Variants in SPAG16 observed in about 807,000 individuals in gnomAD.
SPAG16 encodes the protein sperm associated antigen 16.
SPAG16 carries 86 observed loss-of-function variants against 80.4 expected under a neutral mutation model. That is an observed-to-expected ratio of 1.07 (90% confidence interval 0.90 to 1.28). The LOEUF is 1.28. Ranked by LOEUF, SPAG16 falls within the 50% of genes most tolerant of loss-of-function variation. SPAG16 has a pLI of 0.00. For missense variants in SPAG16, 870 were observed against 765.3 expected (o/e 1.14, Z -1.61); for synonymous variants, 294 against 265.9 (o/e 1.11, Z -1.03).
intron 15 of SPAG16, among the ~76,000 whole-genome samples, chr2:214,294,609 G>A (rs565031709): frequency 1.3e-5 from 2 of 152,290 alleles, no homozygotes; most frequent in African/African-American, 2.4e-5. Context: ...ATTTGCCACT[G>A]CAAACTTGCC....
At chr2:214,132,157 A>G (rs1230827742) in intron 14 of SPAG16, among the ~76,000 whole-genome samples, 1 of 152,212 alleles carries the variant, frequency 6.6e-6, no homozygotes, top group Non-Finnish European at 1.5e-5. Flanking sequence ...ATAATTCTTG[A>G]AAGAGTTCTA....
intron 12 of SPAG16, among the ~76,000 whole-genome samples, chr2:214,012,288 A>ATATATTTT (rs1553694500): frequency 1.3e-4 from 6 of 46,806 alleles, no homozygotes; most frequent in East Asian, 6.6e-4. Context: ...ATATATATAT[A>ATATATTTT]TTTTTTTTTT....
At chr2:213,862,684 A>C (rs1182693973) in intron 11 of SPAG16, 56 bp downstream of exon 11, 1 of 1,576,376 alleles carries the variant, frequency 6.3e-7, no homozygotes, top group Non-Finnish European at 8.7e-7. Context: ...GTGCTCCTTT[A>C]CTCTGTCTGC....
intron 10 of SPAG16, among the ~76,000 whole-genome samples, chr2:213,853,899 A>G (rs529172787): frequency 6.6e-6 from 1 of 152,272 alleles, no homozygotes; most frequent in Admixed American, 6.5e-5. Context: ...GAGGAGGGGT[A>G]TCCTGCTATC....
At chr2:213,799,606 A>G (rs1291615849) in intron 10 of SPAG16, among the ~76,000 whole-genome samples, 1 of 152,162 alleles carries the variant, frequency 6.6e-6, no homozygotes, top group Non-Finnish European at 1.5e-5. Context: ...TGTAGGATAC[A>G]TGTATAACAC....
chr2:214,161,581 G>A (rs1559094579), intron 15 of SPAG16, among the ~76,000 whole-genome samples: 1 of 152,166 alleles, frequency 6.6e-6, no homozygotes, highest in Non-Finnish European at 1.5e-5. Flanking sequence ...TCACATGTTT[G>A]TTGGTGGCAT....
At chr2:213,919,650 A>G (rs1475495645) in intron 11 of SPAG16, among the ~76,000 whole-genome samples, 1 of 152,222 alleles carries the variant, frequency 6.6e-6, no homozygotes. Flanking sequence ...GCTGTGATGC[A>G]AGAGAGTAGT....
Position 213,284,524 on chromosome 2 carries a change from T to C in SPAG16, c.41T>C (p.Val14Ala). The C allele has an allele frequency of 6.3e-7, 1 of 1,593,646 alleles. No individual in the cohort carries two copies. The highest frequency in any genetic ancestry group is 8.5e-7 in the Non-Finnish European group (1 of 1,170,544). Residue 14 changes from valine (V) to alanine (A), a missense_variant, in exon 1 of 16, where the codon GTC becomes GCC. Physicochemically the swap from Val to Ala is moderately conservative, Grantham distance 64 (BLOSUM62 0). Transcript: ENST00000331683. ...GGGATGCCCAGCTCCGCCGTGAGGG[T>C]CCTGGAAGAGGCGTTGGGCATGGGT... Reference protein sequence around the residue: ...QRGMPSSAVRVLEEALGMGLT... With the variant: ...QRGMPSSAVRALEEALGMGLT...
chr2:213,442,281 A>G (rs559715502), intron 9 of SPAG16, among the ~76,000 whole-genome samples: 222 of 152,366 alleles, frequency 1.5e-3, no homozygotes, highest in African/African-American at 5.1e-3. Flanking sequence ...AAAGAACTAA[A>G]TAAATGGAGA....
At chr2:214,058,305 G>A (rs1233876424) in intron 13 of SPAG16, among the ~76,000 whole-genome samples, 2 of 152,066 alleles carry the variant, frequency 1.3e-5, no homozygotes, top group East Asian at 3.9e-4. Context: ...TTATTAAATG[G>A]CCTAATTTCA....
intron 9 of SPAG16, among the ~76,000 whole-genome samples, chr2:213,486,674 T>C (rs2073991370): frequency 6.6e-6 from 1 of 152,054 alleles, no homozygotes. Flanking sequence ...CATATATAGA[T>C]AGCCAGCTAT....
chr2:213,701,979 A>G (rs909003767), intron 10 of SPAG16, among the ~76,000 whole-genome samples: 16 of 151,666 alleles, frequency 1.1e-4, no homozygotes, highest in African/African-American at 3.6e-4. Flanking sequence ...CTAAAGGATT[A>G]TAAATGCACC....
At chr2:214,078,214 A>G (rs1458787187) in intron 13 of SPAG16, among the ~76,000 whole-genome samples, 1 of 152,080 alleles carries the variant, frequency 6.6e-6, no homozygotes, top group Non-Finnish European at 1.5e-5. Context: ...CCGTTAGGAG[A>G]GAGACCCCAA....
intron 10 of SPAG16, among the ~76,000 whole-genome samples, chr2:213,722,557 A>T (rs2066575763): frequency 6.6e-6 from 1 of 152,204 alleles, no homozygotes; most frequent in Non-Finnish European, 1.5e-5. Context: ...GGGTCAAACT[A>T]TACGGCCTTC....
intron 10 of SPAG16, among the ~76,000 whole-genome samples, chr2:213,617,893 G>A (rs1340708306): frequency 6.6e-6 from 1 of 152,070 alleles, no homozygotes; most frequent in Non-Finnish European, 1.5e-5. Flanking sequence ...GCTTTAAGAG[G>A]CCTCAGCTCA....
At chr2:213,289,659 T>A (rs1039670822) in intron 1 of SPAG16, among the ~76,000 whole-genome samples, 13 of 152,258 alleles carry the variant, frequency 8.5e-5, no homozygotes, top group Non-Finnish European at 2.9e-5. Flanking sequence ...ACAGTATTTT[T>A]ATTTCAACTT....
At chr2:214,075,788 G>A (rs544316673) in intron 13 of SPAG16, among the ~76,000 whole-genome samples, 13 of 152,076 alleles carry the variant, frequency 8.5e-5, no homozygotes, top group Non-Finnish European at 1.6e-4. Context: ...AGCGCTATAT[G>A]ACTTCATGTG....
chr2:214,366,326 G>T (rs1477828796), intron 15 of SPAG16, among the ~76,000 whole-genome samples: 1 of 152,120 alleles, frequency 6.6e-6, no homozygotes, highest in African/African-American at 2.4e-5. Context: ...GTGCATGACT[G>T]ATACTGTGAC....
intron 10 of SPAG16, among the ~76,000 whole-genome samples, chr2:213,646,146 T>TGTC: frequency 6.6e-6 from 1 of 152,222 alleles, no homozygotes; most frequent in Admixed American, 6.5e-5. Flanking sequence ...GGCATCATGA[T>TGTC]TCAAAACTGT....
Sources: allele counts gnomAD v4.1 joint callset (sites outside exome capture counted in the v4.1 genomes callset), GRCh38; gene constraint gnomAD v4.1.1; transcripts MANE v1.5; gene names NCBI Gene and HGNC (gene_info 2026-07-23, HGNC 2026-07-21).